ENOX1: variants seen among roughly 807,000 people sequenced by gnomAD.
The protein encoded by ENOX1 is ecto-NOX disulfide-thiol exchanger 1, also known as candidate growth-related and time keeping constitutive hydroquinone (NADH) oxidase.
In ENOX1, 42 loss-of-function variants were observed where a neutral mutation model predicts 82.5. That is an observed-to-expected ratio of 0.51 (90% CI 0.40 to 0.66). The LOEUF (loss-of-function observed/expected upper bound fraction) is 0.66, where lower values mean the gene tolerates loss of function less well. ENOX1 is among the 30% of genes least tolerant of loss of function. The pLI, the probability that ENOX1 is intolerant of heterozygous loss-of-function variation, is 0.00. For missense variants in ENOX1, 608 were observed against 811.6 expected, an observed-to-expected ratio of 0.75 and a Z score of 3.05; for synonymous variants, 271 against 282.2, an observed-to-expected ratio of 0.96 and a Z score of 0.40.
intron 2 of ENOX1, among the ~76,000 whole-genome samples, chr13:43,541,831 G>T (rs530773407): frequency 6.6e-6 from 1 of 152,136 alleles, no homozygotes; most frequent in Non-Finnish European, 1.5e-5. Context: ...TTCCATTTAG[G>T]TTTTCAAGTT....
At chr13:43,650,877 G>A (rs552569067) in intron 2 of ENOX1, among the ~76,000 whole-genome samples, 1 of 152,276 alleles carries the variant, frequency 6.6e-6, no homozygotes, top group African/African-American at 2.4e-5. Flanking sequence ...GGTCGGTCTG[G>A]TCCACGTTAA....
At chr13:43,236,522 C>T (rs2153459095) in intron 15 of ENOX1, 114 bp downstream of exon 15, 2 of 605,768 alleles carry the variant, frequency 3.3e-6, no homozygotes, top group African/African-American at 1.9e-5. Flanking sequence ...AAATTAATCT[C>T]ACCTTTTACC....
At chr13:43,420,501 T>C (rs187306597) in intron 3 of ENOX1, among the ~76,000 whole-genome samples, 84 of 152,314 alleles carry the variant, frequency 5.5e-4, no homozygotes, top group African/African-American at 1.9e-3. Flanking sequence ...GGGTGTTTCA[T>C]CTTATTGTTA....
chr13:43,743,279 TA>T (rs942537092), intron 1 of ENOX1, among the ~76,000 whole-genome samples: 2 of 151,762 alleles, frequency 1.3e-5, no homozygotes, highest in Non-Finnish European at 2.9e-5. Flanking sequence ...ATGACTAACC[TA>T]AAAAAAATAA....
At chr13:43,609,045 C>T (rs950604766) in intron 2 of ENOX1, among the ~76,000 whole-genome samples, 16 of 152,192 alleles carry the variant, frequency 1.1e-4, no homozygotes, top group Non-Finnish European at 2.2e-4. Context: ...AAATGTCCAG[C>T]ACAGTGCCTG....
intron 3 of ENOX1, among the ~76,000 whole-genome samples, chr13:43,446,589 T>TA (rs1181630429): frequency 2.6e-5 from 4 of 152,236 alleles, no homozygotes; most frequent in African/African-American, 9.6e-5. Context: ...GCTACCTCTC[T>TA]ATGCCCTCCA....
intron 1 of ENOX1, among the ~76,000 whole-genome samples, chr13:43,759,596 T>C (rs1321993180): frequency 6.6e-6 from 1 of 152,222 alleles, no homozygotes; most frequent in East Asian, 1.9e-4. Context: ...GAGTAAAATA[T>C]AATTGTTTAA....
intron 14 of ENOX1, among the ~76,000 whole-genome samples, chr13:43,264,631 CTG>C (rs1008011548): frequency 6.6e-6 from 1 of 152,046 alleles, no homozygotes; most frequent in Non-Finnish European, 1.5e-5. Flanking sequence ...ATGTCTAATT[CTG>C]TGTTCAGTGA....
chr13:43,616,162 C>CTATATATCTATATA (rs1566641605), intron 2 of ENOX1, among the ~76,000 whole-genome samples: 1 of 7,690 alleles, frequency 1.3e-4, no homozygotes, highest in Non-Finnish European at 3.2e-4. Context: ...AGATAGATAT[C>CTATATATCTATATA]TATCTATCTA....
chr13:43,591,810 T>C (rs1374158192), intron 2 of ENOX1, among the ~76,000 whole-genome samples: 2 of 152,126 alleles, frequency 1.3e-5, no homozygotes, highest in Non-Finnish European at 2.9e-5. Flanking sequence ...CATCCACGAA[T>C]ACTGCCAAAG....
intron 3 of ENOX1, among the ~76,000 whole-genome samples, chr13:43,469,655 T>C (rs1206811294): frequency 6.6e-6 from 1 of 151,998 alleles, no homozygotes; most frequent in Non-Finnish European, 1.5e-5. Flanking sequence ...GTTCATATAT[T>C]GGAAGGCTTG....
chr13:43,628,052 T>C lies in ENOX1; in HGVS notation c.-219+39427A>G, dbSNP rs536836220. Among the ~76,000 whole-genome samples, 3 of 152,274 alleles carry C rather than the reference T, an allele frequency of 2.0e-5. No individual in the cohort carries two copies. The East Asian group carries it at 5.8e-4, about 29-fold the overall frequency. On this transcript the variant is annotated intron_variant, in intron 2 of 16. Coordinates refer to ENST00000690772, the MANE Select transcript of ENOX1 (RefSeq NM_001347969.2). ...TTTTCTTGAATATAGTTTTCAGAAG[T>C]TTAATTATAATGCATCTTAGTGTAA...
At chr13:43,546,776 A>G (rs914791459) in intron 2 of ENOX1, 2 of 152,202 alleles carry the variant, frequency 1.3e-5, no homozygotes, top group Admixed American at 6.5e-5. Flanking sequence ...ATCTCACTTA[A>G]CCATTCTCAT....
chr13:43,476,244 C>A (rs1283990107), intron 3 of ENOX1, among the ~76,000 whole-genome samples: 1 of 151,950 alleles, frequency 6.6e-6, no homozygotes, highest in Non-Finnish European at 1.5e-5. Flanking sequence ...TAAAACAAGC[C>A]TAAAATCTAC....
chr13:43,753,817 A>G (rs1950448454), intron 1 of ENOX1, among the ~76,000 whole-genome samples: 1 of 152,176 alleles, frequency 6.6e-6, no homozygotes, highest in Non-Finnish European at 1.5e-5. Flanking sequence ...TAACCACATA[A>G]GAGAAACTCA....
intron 5 of ENOX1, chr13:43,394,461 C>G (rs2053006619): frequency 6.6e-6 from 1 of 152,236 alleles, no homozygotes; most frequent in Admixed American, 6.5e-5. Context: ...ACAAGATAAT[C>G]TCCAGACCTC....
At chr13:43,739,773 TA>T (rs1396096119) in intron 1 of ENOX1, among the ~76,000 whole-genome samples, 1 of 151,714 alleles carries the variant, frequency 6.6e-6, no homozygotes, top group East Asian at 1.9e-4. Context: ...GGTTAACCCT[TA>T]ACAGCATGGG....
At position 43,634,787 on chromosome 13, in the gene ENOX1, G is replaced by A. The variant is rs183375555; in HGVS notation, c.-219+32692C>T. Among the ~76,000 whole-genome samples the A allele has an allele frequency of 9.2e-5, 14 of 152,282 alleles. No individual in the cohort carries two copies. In the East Asian group the frequency reaches 2.3e-3, roughly 25 times the overall value. ...GGCTGCCTCAGGGTCTATCAGCCAG[G>A]TGATATTATAAACATGTTCTTTTGT... On this transcript the variant is annotated intron_variant, in intron 2 of 16. Coordinates refer to ENST00000690772, the MANE Select transcript of ENOX1 (RefSeq NM_001347969.2).
intron 15 of ENOX1, among the ~76,000 whole-genome samples, chr13:43,229,153 T>G (rs939293978): frequency 6.6e-6 from 1 of 152,230 alleles, no homozygotes; most frequent in Non-Finnish European, 1.5e-5. Flanking sequence ...TTTGCTGCCA[T>G]GTAAGACATG....
Sources: gnomAD v4.1 joint callset for allele counts (sites outside exome capture counted in the v4.1 genomes callset) on GRCh38, gnomAD v4.1.1 for gene constraint, MANE v1.5 for transcripts, NCBI Gene and HGNC (gene_info 2026-07-23, HGNC 2026-07-21) for gene names.